Variants in APBB2 observed in about 807,000 individuals in gnomAD.
APBB2 encodes the protein amyloid beta precursor protein binding family B member 2.
A neutral mutation model predicts 82.5 loss-of-function variants in APBB2; 38 were observed. The observed-to-expected ratio is 0.46, with a 90% CI of 0.36 to 0.60. The LOEUF is 0.60. Ranked by LOEUF, APBB2 falls within the 20% of genes least tolerant of loss-of-function variation. APBB2 has a pLI of 0.00. For synonymous variants in APBB2, 341 were observed against 368.2 expected (o/e 0.93, Z 0.85); for missense variants, 772 against 972.3 (o/e 0.79, Z 2.74).
intron 10 of APBB2, among the ~76,000 whole-genome samples, chr4:40,932,245 G>T (rs1297287255): frequency 6.6e-6 from 1 of 152,202 alleles, no homozygotes; most frequent in Non-Finnish European, 1.5e-5. Flanking sequence ...GATAGAATTT[G>T]TAAAACATCA....
At chr4:41,039,355 G>A (rs1481386632) in intron 4 of APBB2, among the ~76,000 whole-genome samples, 1 of 152,074 alleles carries the variant, frequency 6.6e-6, no homozygotes, top group East Asian at 1.9e-4. Context: ...TTATGACCTT[G>A]GCCCAGAGTT....
chr4:41,133,748 C>G (rs1457014401), intron 2 of APBB2, among the ~76,000 whole-genome samples: 1 of 152,172 alleles, frequency 6.6e-6, no homozygotes, highest in Non-Finnish European at 1.5e-5. Context: ...CTTGGTCCCT[C>G]TCTCCCCACT....
chr4:41,113,415 C>T (rs1329025496), intron 2 of APBB2, among the ~76,000 whole-genome samples: 1 of 152,094 alleles, frequency 6.6e-6, no homozygotes, highest in African/African-American at 2.4e-5. Flanking sequence ...AAAATCACGT[C>T]ATCTGCAAAC....
intron 12 of APBB2, among the ~76,000 whole-genome samples, chr4:40,840,800 T>C (rs1755539050): frequency 6.6e-6 from 1 of 152,148 alleles, no homozygotes; most frequent in Non-Finnish European, 1.5e-5. Context: ...TGTAGCCCTC[T>C]CTAGAACAGG....
chr4:41,039,640 C>T (rs930581560), intron 4 of APBB2, among the ~76,000 whole-genome samples: 1 of 152,114 alleles, frequency 6.6e-6, no homozygotes, highest in African/African-American at 2.4e-5. Context: ...AGGCGGATTG[C>T]TTGAGGCCAA....
intron 10 of APBB2, among the ~76,000 whole-genome samples, chr4:40,899,025 C>T (rs2154355897): frequency 6.6e-6 from 1 of 152,252 alleles, no homozygotes; most frequent in Admixed American, 6.5e-5. Flanking sequence ...AGACAGATGG[C>T]TCCTTTCTTT....
intron 6 of APBB2, among the ~76,000 whole-genome samples, chr4:40,950,762 G>C (rs542525471): frequency 6.6e-6 from 1 of 152,108 alleles, no homozygotes; most frequent in South Asian, 2.1e-4. Context: ...AGAATCACTT[G>C]AACCCAGGAG....
At position 41,176,282 on chromosome 4, in the gene APBB2, A is replaced by T. The variant is rs983803199; in HGVS notation, c.-416-33140T>A. 2.0e-5 allele frequency among the ~76,000 whole-genome samples: 3 copies of T among 152,322 alleles called. No homozygotes were observed. The East Asian group carries it at 5.8e-4, about 29-fold the overall frequency. ...AAAAGAGATTCTAACCAAATAAAGA[A>T]AATGAGACCATCTGTAAAACTGCAA... On this transcript the variant is annotated intron_variant, in intron 1 of 17. Transcript: ENST00000508593.
At chr4:40,989,151 T>C (rs1214992674) in intron 6 of APBB2, among the ~76,000 whole-genome samples, 4 of 152,212 alleles carry the variant, frequency 2.6e-5, no homozygotes, top group Non-Finnish European at 5.9e-5. Flanking sequence ...CACTTACTGA[T>C]ACACAGTATT....
intron 1 of APBB2, among the ~76,000 whole-genome samples, chr4:41,191,652 G>A (rs1774477586): frequency 1.3e-5 from 2 of 152,018 alleles, no homozygotes; most frequent in African/African-American, 2.4e-5. Context: ...CATAATACCC[G>A]AAACCATAAA....
At chr4:41,175,996 A>T (rs1052374483) in intron 1 of APBB2, among the ~76,000 whole-genome samples, 1 of 152,208 alleles carries the variant, frequency 6.6e-6, no homozygotes, top group Admixed American at 6.5e-5. Context: ...ATCAGAAATT[A>T]GCAAACATGT....
intron 6 of APBB2, among the ~76,000 whole-genome samples, chr4:40,996,669 A>T (rs537707876): frequency 3.9e-5 from 6 of 152,266 alleles, no homozygotes; most frequent in African/African-American, 1.4e-4. Flanking sequence ...CAACTTGAAA[A>T]TCTGACATAT....
chr4:41,046,024 T>A (rs1478755989), intron 4 of APBB2, among the ~76,000 whole-genome samples: 1 of 152,122 alleles, frequency 6.6e-6, no homozygotes, highest in African/African-American at 2.4e-5. Context: ...TTTTAATTTT[T>A]AAAAAAAGGT....
chr4:40,967,713 G>C (rs754224128), intron 6 of APBB2, among the ~76,000 whole-genome samples: 2 of 152,300 alleles, frequency 1.3e-5, no homozygotes, highest in South Asian at 2.1e-4. Flanking sequence ...GGCTAGAAGC[G>C]TGAGCCGAGT....
intron 7 of APBB2, among the ~76,000 whole-genome samples, chr4:40,941,049 G>A (rs1387633616): frequency 2.0e-5 from 3 of 152,140 alleles, no homozygotes; most frequent in African/African-American, 7.2e-5. Context: ...ACTTTGGAAT[G>A]TGAAATGTAA....
chr4:41,182,540 A>G (rs1771714478), intron 1 of APBB2, among the ~76,000 whole-genome samples: 1 of 152,230 alleles, frequency 6.6e-6, no homozygotes, highest in African/African-American at 2.4e-5. Context: ...AGAATCTCTC[A>G]TATATCCAAC....
chr4:40,983,164 T>C (rs547286434), intron 6 of APBB2, among the ~76,000 whole-genome samples: 1 of 152,320 alleles, frequency 6.6e-6, no homozygotes, highest in South Asian at 2.1e-4. Flanking sequence ...TCCAGGGAAA[T>C]GAGGAACAGG....
chr4:41,106,468 TTTGTTTC>T (rs1201390814), intron 2 of APBB2, among the ~76,000 whole-genome samples: 2 of 150,622 alleles, frequency 1.3e-5, no homozygotes, highest in African/African-American at 4.9e-5. Flanking sequence ...GGCACTTTTT[TTTGTTTC>T]TTTGTTTGTT....
At chr4:40,958,837 C>G (rs1268357366) in intron 6 of APBB2, among the ~76,000 whole-genome samples, 1 of 152,214 alleles carries the variant, frequency 6.6e-6, no homozygotes, top group East Asian at 1.9e-4. Flanking sequence ...AACTCCTGAC[C>G]TCAAGTGATC....
Sources: gnomAD v4.1 joint callset for allele counts (sites outside exome capture counted in the v4.1 genomes callset) on GRCh38, gnomAD v4.1.1 for gene constraint, MANE v1.5 for transcripts, NCBI Gene and HGNC (gene_info 2026-07-23, HGNC 2026-07-21) for gene names.